Variants in LHFPL2 observed in about 807,000 individuals in gnomAD.
LHFPL2 encodes the protein LHFPL tetraspan subfamily member 2 protein.
A neutral mutation model predicts 17.5 loss-of-function variants in LHFPL2; 7 were observed. That is an observed-to-expected ratio of 0.40 (90% confidence interval 0.23 to 0.75). LHFPL2 has a LOEUF of 0.75. Ranked by LOEUF, LHFPL2 falls within the 30% of genes least tolerant of loss-of-function variation. LHFPL2 has a pLI of 0.37. For missense variants in LHFPL2, 241 were observed against 294.8 expected, an observed-to-expected ratio of 0.82 and a Z score of 1.34; for synonymous variants, 134 against 116.2, an observed-to-expected ratio of 1.15 and a Z score of -0.99.
chr5:78,641,922 C>CACACACACAT (rs1554061973), intron 1 of LHFPL2: 1 of 132,256 alleles, frequency 7.6e-6, no homozygotes, highest in African/African-American at 3.1e-5. Context: ...CACACACACA[C>CACACACACAT]ACACACACAC....
chr5:78,638,634 C>T (rs1745550489), intron 1 of LHFPL2, among the ~76,000 whole-genome samples: 1 of 152,158 alleles, frequency 6.6e-6, no homozygotes, highest in Non-Finnish European at 1.5e-5. Context: ...TGCCCTCCGG[C>T]CGCCTGCAAA....
chr5:78,489,222 T>G, intron 4 of LHFPL2, 69 bp from the exon 5 acceptor site: 1 of 1,567,380 alleles, frequency 6.4e-7, no homozygotes, highest in Non-Finnish European at 8.7e-7. Context: ...TCTGTTGTAA[T>G]TGTTACTTGA....
intron 2 of LHFPL2, among the ~76,000 whole-genome samples, chr5:78,572,854 T>C (rs1423793911): frequency 6.6e-6 from 1 of 152,164 alleles, no homozygotes; most frequent in Non-Finnish European, 1.5e-5. Flanking sequence ...AGAGATGGTT[T>C]CGGGATGAAA....
intron 4 of LHFPL2, among the ~76,000 whole-genome samples, chr5:78,499,695 G>C (rs781712358): frequency 6.6e-6 from 1 of 152,224 alleles, no homozygotes; most frequent in African/African-American, 2.4e-5. Flanking sequence ...CAGGAGTGCC[G>C]TGAGGGGTTA....
chr5:78,639,310 T>C (rs1745578316), intron 1 of LHFPL2, among the ~76,000 whole-genome samples: 2 of 152,142 alleles, frequency 1.3e-5, no homozygotes, highest in Non-Finnish European at 2.9e-5. Flanking sequence ...TTCTTTACAA[T>C]ACACTTAAGC....
intron 2 of LHFPL2, among the ~76,000 whole-genome samples, chr5:78,628,327 C>CT (rs1411805072): frequency 6.6e-6 from 1 of 152,210 alleles, no homozygotes; most frequent in East Asian, 1.9e-4. Context: ...AATTCTCTCT[C>CT]TTTTAAACGG....
chr5:78,597,034 G>A (rs1291189917), intron 2 of LHFPL2, among the ~76,000 whole-genome samples: 2 of 152,182 alleles, frequency 1.3e-5, no homozygotes, highest in African/African-American at 4.8e-5. Flanking sequence ...TGTAAGCAAA[G>A]CAAATTGCTA....
At chr5:78,557,731 C>T (rs1057264635) in intron 3 of LHFPL2, among the ~76,000 whole-genome samples, 16 of 152,166 alleles carry the variant, frequency 1.1e-4, no homozygotes, top group African/African-American at 3.6e-4. Context: ...TGCCAAATAG[C>T]CTTAAAAGCT....
intron 4 of LHFPL2, among the ~76,000 whole-genome samples, chr5:78,508,320 G>A (rs754051223): frequency 6.6e-6 from 1 of 152,192 alleles, no homozygotes; most frequent in Non-Finnish European, 1.5e-5. Context: ...ATGAGTGCCT[G>A]AGTCACTTGT....
intron 3 of LHFPL2, among the ~76,000 whole-genome samples, chr5:78,522,116 C>T (rs1561319899): frequency 1.3e-5 from 2 of 152,188 alleles, no homozygotes; most frequent in South Asian, 4.1e-4. Flanking sequence ...AAATAATACT[C>T]ATTAAACATC....
chr5:78,638,969 A>G (rs1324291440), intron 1 of LHFPL2, among the ~76,000 whole-genome samples: 1 of 152,246 alleles, frequency 6.6e-6, no homozygotes, highest in Non-Finnish European at 1.5e-5. Flanking sequence ...TTAAGTTTTT[A>G]AAATTTTTTA....
chr5:78,584,963 C>G (rs1414206728), intron 2 of LHFPL2, among the ~76,000 whole-genome samples: 3 of 147,510 alleles, frequency 2.0e-5, no homozygotes, highest in Non-Finnish European at 4.5e-5. Flanking sequence ...ACCTCTGAGC[C>G]AGGTGCGGGA....
At chr5:78,604,843 T>C (rs1413512638) in intron 2 of LHFPL2, among the ~76,000 whole-genome samples, 1 of 152,246 alleles carries the variant, frequency 6.6e-6, no homozygotes, top group Non-Finnish European at 1.5e-5. Flanking sequence ...CTTTTGTTTA[T>C]TCTATTCCCT....
intron 3 of LHFPL2, among the ~76,000 whole-genome samples, chr5:78,517,529 C>T (rs1277537185): frequency 1.3e-5 from 2 of 152,220 alleles, no homozygotes; most frequent in African/African-American, 4.8e-5. Flanking sequence ...CTCACAGTTC[C>T]ACATGGCTGG....
chr5:78,512,733 A>G (rs1248566749), intron 3 of LHFPL2, among the ~76,000 whole-genome samples: 1 of 148,134 alleles, frequency 6.8e-6, no homozygotes, highest in Non-Finnish European at 1.5e-5. Flanking sequence ...TCTCTTTCCC[A>G]TCCCTTTTCT....
chr5:78,510,391 G>A lies in LHFPL2; in HGVS notation c.-178C>T, dbSNP rs1755077450. ...CTCCCGGACCCAGAGCACCGCCTGCGGCCTCACCTAGGGGAGAGGGAGGGC... is the reference window on the plus strand; with the variant it reads ...CTCCCGGACCCAGAGCACCGCCTGCAGCCTCACCTAGGGGAGAGGGAGGGC... On this transcript the variant is annotated 5_prime_UTR_variant, in exon 4 of 5. Coordinates refer to ENST00000380345, the MANE Select transcript of LHFPL2 (RefSeq NM_005779.3). 1 of 652,300 alleles carries A rather than the reference G, an allele frequency of 1.5e-6. No individual in the cohort carries two copies. The highest frequency in any genetic ancestry group is 2.6e-6 in the Non-Finnish European group (1 of 389,298). The allele number at this position is 652,300 out of a possible 1,614,324, so 40.4% of individuals were successfully genotyped here.
chr5:78,640,839 T>G (rs546402574), intron 1 of LHFPL2, among the ~76,000 whole-genome samples: 180 of 152,064 alleles, frequency 1.2e-3, no homozygotes, highest in African/African-American at 4.2e-3. Context: ...GTAAGAGGAG[T>G]AACGGTTGTG....
rs573657967 is a variant in LHFPL2, at chr5:78,486,487, A to G, written c.*2410T>C. On this transcript the variant is annotated 3_prime_UTR_variant, in exon 5 of 5. Coordinates refer to ENST00000380345, the MANE Select transcript of LHFPL2 (RefSeq NM_005779.3). ...TTTTTAAACAGCTGTGTGGAAGAGC[A>G]TGGTTTAGACTAGCATGATTTTAGA... 6.6e-6 allele frequency: 1 copy of G among 152,332 alleles called. No individual in the cohort carries two copies. The highest frequency in any genetic ancestry group is 2.4e-5 in the African/African-American group (1 of 41,564). 9.4% of individuals were successfully genotyped at this position (152,332 alleles called of 1,614,324 possible). A position where few individuals can be genotyped will look rare whatever the true frequency, so the allele number is the denominator to read the frequency against.
intron 3 of LHFPL2, among the ~76,000 whole-genome samples, chr5:78,562,634 C>CAA (rs35163869): frequency 7.1e-4 from 80 of 113,102 alleles, no homozygotes; most frequent in Middle Eastern, 4.5e-3. Context: ...GATTCCACCT[C>CAA]AAAAAAAAAA....
Sources: allele counts gnomAD v4.1 joint callset (sites outside exome capture counted in the v4.1 genomes callset), GRCh38; gene constraint gnomAD v4.1.1; transcripts MANE v1.5; gene names NCBI Gene and HGNC (gene_info 2026-07-23, HGNC 2026-07-21).